The following WWOX variants were observed in gnomAD, a reference collection of about 807,000 sequenced individuals.
WWOX encodes the protein WW domain-containing oxidoreductase.
WWOX carries 69 observed loss-of-function variants against 46.2 expected under a neutral mutation model. That is an observed-to-expected ratio of 1.49 (90% confidence interval 1.23 to 1.82). The LOEUF (loss-of-function observed/expected upper bound fraction) is 1.82. Ranked by LOEUF, WWOX falls within the 40% of genes most tolerant of loss-of-function variation. The pLI is 0.00. For missense variants in WWOX, 919 were observed against 542.6 expected (o/e 1.69, Z -6.89); for synonymous variants, 359 against 202.6 (o/e 1.77, Z -6.56).
intron 8 of WWOX, among the ~76,000 whole-genome samples, chr16:79,030,616 G>A (rs1469246908): frequency 6.6e-6 from 1 of 152,234 alleles, no homozygotes; most frequent in Non-Finnish European, 1.5e-5. Context: ...CCAAAGATTA[G>A]ACACCCTTGT....
At chr16:78,653,819 A>C (rs2047020502) in intron 8 of WWOX, among the ~76,000 whole-genome samples, 1 of 152,232 alleles carries the variant, frequency 6.6e-6, no homozygotes, top group African/African-American at 2.4e-5. Flanking sequence ...AGTGATGGCC[A>C]AAACCACAGT....
At chr16:78,687,432 A>T (rs929047656) in intron 8 of WWOX, among the ~76,000 whole-genome samples, 1 of 152,232 alleles carries the variant, frequency 6.6e-6, no homozygotes, top group Non-Finnish European at 1.5e-5. Flanking sequence ...GCATGCTGAT[A>T]AATATTTATC....
intron 8 of WWOX, among the ~76,000 whole-genome samples, chr16:79,129,727 C>A (rs1356101607): frequency 6.6e-6 from 1 of 151,926 alleles, no homozygotes. Flanking sequence ...AATCTAAAGC[C>A]ATTAATAAAT....
chr16:78,764,091 G>T (rs1325756508), intron 8 of WWOX, among the ~76,000 whole-genome samples: 1 of 152,100 alleles, frequency 6.6e-6, no homozygotes, highest in Admixed American at 6.5e-5. Context: ...ATGTGAGTAG[G>T]ATCAGCTGGT....
chr16:78,179,819 G>A (rs1036401325), intron 5 of WWOX: 3 of 152,240 alleles, frequency 2.0e-5, no homozygotes, highest in South Asian at 2.1e-4. Flanking sequence ...AGCCTTGCTT[G>A]TCTTGTTCCT....
intron 8 of WWOX, among the ~76,000 whole-genome samples, chr16:78,770,567 TG>T (rs2050039623): frequency 6.6e-6 from 1 of 152,062 alleles, no homozygotes; most frequent in African/African-American, 2.4e-5. Context: ...CCGCTCTCTG[TG>T]GTGCCAGGGA....
chr16:78,651,439 G>C (rs558892117), intron 8 of WWOX, among the ~76,000 whole-genome samples: 1 of 152,340 alleles, frequency 6.6e-6, no homozygotes, highest in East Asian at 1.9e-4. Context: ...AAGTCCCCTG[G>C]AGGTCAGAAG....
chr16:78,932,032 T>C lies in WWOX; in HGVS notation c.1057-279576T>C, dbSNP rs367640164. On this transcript the variant is annotated intron_variant, in intron 8 of 8. Coordinates refer to ENST00000566780, the MANE Select transcript of WWOX (RefSeq NM_016373.4). The stretch of plus-strand genomic sequence containing the variant: ...GCTCCACATTGGCCTTCTGCCGTGA[T>C]TGTGAGACTTTCCCAGCCATGTGGA... Among the ~76,000 whole-genome samples, 20 of 152,244 alleles carry C rather than the reference T, an allele frequency of 1.3e-4. No homozygotes were observed. In the East Asian group the frequency reaches 1.3e-3, roughly 10 times the overall value.
chr16:78,611,374 G>T (rs1451876294), intron 8 of WWOX, among the ~76,000 whole-genome samples: 1 of 152,186 alleles, frequency 6.6e-6, no homozygotes, highest in Non-Finnish European at 1.5e-5. Context: ...GGGGCTGGGG[G>T]CCAAGGAGAT....
At chr16:78,753,825 A>AAAAAAAT (rs2049556906) in intron 8 of WWOX, among the ~76,000 whole-genome samples, 1 of 21,360 alleles carries the variant, frequency 4.7e-5, no homozygotes, top group African/African-American at 9.8e-5. Context: ...AAAAAAAAAA[A>AAAAAAAT]ATATATATAT....
At chr16:78,323,545 G>C (rs12919559) in intron 5 of WWOX, among the ~76,000 whole-genome samples, 14,650 of 152,098 alleles carry the variant, frequency 0.096, 1,328 homozygotes, top group African/African-American at 0.23. Flanking sequence ...TACTGGGTTT[G>C]AACATGCCAT....
chr16:78,456,193 G>T (rs74335576), intron 8 of WWOX, among the ~76,000 whole-genome samples: 3,633 of 152,250 alleles, frequency 0.024, 73 homozygotes, highest in African/African-American at 0.054. Context: ...GAGATTCAGA[G>T]GTTGTTTTTA....
intron 8 of WWOX, among the ~76,000 whole-genome samples, chr16:78,583,380 C>G (rs952329749): frequency 2.0e-5 from 3 of 152,188 alleles, no homozygotes; most frequent in African/African-American, 7.2e-5. Flanking sequence ...ATTCTAGAAC[C>G]TTACCTACTC....
intron 8 of WWOX, among the ~76,000 whole-genome samples, chr16:78,725,216 G>A (rs999789976): frequency 9.9e-5 from 15 of 151,744 alleles, no homozygotes; most frequent in African/African-American, 3.2e-4. Context: ...TGTGCCTTTC[G>A]CTTTGCACTA....
intron 8 of WWOX, among the ~76,000 whole-genome samples, chr16:78,597,192 A>G (rs1192203473): frequency 1.3e-5 from 2 of 152,224 alleles, no homozygotes; most frequent in Non-Finnish European, 2.9e-5. Flanking sequence ...TTTAGTAGGT[A>G]GATCCAAAGT....
chr16:78,613,518 C>T (rs976098685), intron 8 of WWOX, among the ~76,000 whole-genome samples: 1 of 152,174 alleles, frequency 6.6e-6, no homozygotes, highest in African/African-American at 2.4e-5. Context: ...TTTATGCTTT[C>T]TCCCTCTACA....
intron 8 of WWOX, among the ~76,000 whole-genome samples, chr16:78,630,302 C>T (rs1399750350): frequency 6.6e-6 from 1 of 152,092 alleles, no homozygotes; most frequent in Non-Finnish European, 1.5e-5. Context: ...CTCTTGGCTG[C>T]ATCTGGGAAC....
chr16:78,546,570 T>A (rs559287622), intron 8 of WWOX, among the ~76,000 whole-genome samples: 7 of 152,366 alleles, frequency 4.6e-5, no homozygotes, highest in Admixed American at 3.9e-4. Flanking sequence ...AATAATTAAT[T>A]CTCAAAACTT....
intron 5 of WWOX, among the ~76,000 whole-genome samples, chr16:78,353,934 G>C (rs12920054): frequency 0.025 from 3,790 of 152,300 alleles, 61 homozygotes; most frequent in African/African-American, 0.033. Flanking sequence ...ATTTCCTTAA[G>C]TGAACATCTG....
Sources: gnomAD v4.1 joint callset for allele counts (sites outside exome capture counted in the v4.1 genomes callset) on GRCh38, gnomAD v4.1.1 for gene constraint, MANE v1.5 for transcripts, NCBI Gene and HGNC (gene_info 2026-07-23, HGNC 2026-07-21) for gene names.